The following MYH3 variants were observed in gnomAD, a reference collection of about 807,000 sequenced individuals.
The protein encoded by MYH3 is myosin heavy chain 3, also known as myosin-3.
MYH3 carries 130 observed loss-of-function variants against 238.0 expected under a neutral mutation model. The observed-to-expected ratio is 0.55, with a 90% CI of 0.47 to 0.63. The LOEUF is 0.63. Ranked by LOEUF, MYH3 falls within the 30% of genes least tolerant of loss-of-function variation. The probability of loss-of-function intolerance (pLI) is 0.00; values close to 1 mark genes in which losing one functional copy is unlikely to be tolerated. For missense variants in MYH3, 1,853 were observed against 2,374.9 expected, an observed-to-expected ratio of 0.78 and a Z score of 4.57; for synonymous variants, 880 against 924.1, an observed-to-expected ratio of 0.95 and a Z score of 0.86.
At chr17:10,674,986 A>G in the MYH3 span, 2 of 152,256 alleles carry the variant, frequency 1.3e-5, no homozygotes, top group African/African-American at 2.4e-5. Flanking sequence ...AGCAGCCAAC[A>G]AGGAATGTGC....
Position 10,644,620 on chromosome 17 carries a change from C to A in MYH3, c.1224G>T (p.Gly408=). 6.2e-7 allele frequency: 1 copy of A among 1,614,166 alleles called. No individual in the cohort carries two copies. Among genetic ancestry groups the A allele is most frequent in the Non-Finnish European group, 8.5e-7 (1 of 1,180,002 alleles). The stretch of plus-strand genomic sequence containing the variant: ...TTTGACCTTTGGTAACGTACTCATT[C>A]CCAACTTTCACTCTAGGAAAGCACA... The part of the protein sequence containing the change: ...KALCFPRVKV[G]NEYVTKGQTV... Residue 408 remains glycine (G), a synonymous_variant, in exon 13 of 41, where the codon GGG becomes GGT. Coordinates refer to ENST00000583535, the MANE Select transcript of MYH3 (RefSeq NM_002470.4).
chr17:10,650,423 T>C (rs770697106), intron 5 of MYH3, 22 bp from the exon 6 acceptor site: 17 of 1,607,608 alleles, frequency 1.1e-5, no homozygotes, highest in Admixed American at 1.7e-5. Context: ...AAAAATAAAA[T>C]AGAGTTGATG....
rs758120694 is a variant in MYH3 at position 10,651,611 on chromosome 17, T to G, written c.406A>C (p.Asn136His). 6.2e-7 allele frequency: 1 copy of G among 1,613,974 alleles called. No individual in the cohort carries two copies. Among genetic ancestry groups the G allele is most frequent in the African/African-American group, 1.3e-5 (1 of 74,894 alleles). Residue 136 changes from asparagine (N) to histidine (H), a missense_variant, in exon 5 of 41, where the codon AAC becomes CAC. This residue lies in a region of MYH3 where 678 missense variants were observed against 1,058.9 expected (regional missense o/e 0.64). Transcript: ENST00000583535. ...CGGTAGCCTTCCACCACCTCGGGGTTGTACACCGGCAGCCACTTGTAGGGG... is the reference window on the plus strand; with the variant it reads ...CGGTAGCCTTCCACCACCTCGGGGTGGTACACCGGCAGCCACTTGTAGGGG... Reference protein sequence around the residue: ...VNPYKWLPVYNPEVVEGYRGK... With the variant: ...VNPYKWLPVYHPEVVEGYRGK...
upstream of MYH3, among the ~76,000 whole-genome samples, chr17:10,659,818 C>T (rs532360360): frequency 2.0e-5 from 3 of 152,292 alleles, no homozygotes; most frequent in East Asian, 1.9e-4. Flanking sequence ...TTGCTGGAAG[C>T]GGTGAGAAGA....
chr17:10,659,761 T>C (rs1238695363), upstream of MYH3, among the ~76,000 whole-genome samples: 1 of 152,222 alleles, frequency 6.6e-6, no homozygotes, highest in Non-Finnish European at 1.5e-5. Flanking sequence ...TTGGCTGAAC[T>C]GTCTCCTTTT....
chr17:10,664,568 G>C, the MYH3 span, among the ~76,000 whole-genome samples: 2 of 152,270 alleles, frequency 1.3e-5, no homozygotes, highest in African/African-American at 4.8e-5. Context: ...GTGAAAGGGA[G>C]AGCTGGTGCT....
In MYH3 at chr17:10,654,749, T is replaced by C. The variant is rs1000270582; in HGVS notation, c.204+112A>G. The C allele has an allele frequency of 7.0e-6, 7 of 998,752 alleles. No individual in the cohort carries two copies. The highest frequency in any genetic ancestry group is 1.1e-5 in the Non-Finnish European group (7 of 619,536). The allele number at this position is 998,752 out of a possible 1,614,324, so 61.9% of individuals were successfully genotyped here. On this transcript the variant is annotated intron_variant, in intron 3 of 40. Transcript: ENST00000583535. The surrounding 1 kb of genome is among the most constrained non-coding windows in gnomAD (Gnocchi z 4.5). Reference sequence around the variant, plus strand: ...CCCCAGGCTACATTGTATGCGGCATTCCAGTGCTGGAACCACATCTGGAAG... The same window carrying C: ...CCCCAGGCTACATTGTATGCGGCATCCCAGTGCTGGAACCACATCTGGAAG...
Position 10,650,443 on chromosome 17 carries a change from A to G in MYH3, c.506-42T>C, listed in dbSNP as rs903231783. The G allele has an allele frequency of 3.8e-6, 6 of 1,580,142 alleles. No individual in the cohort carries two copies. In the African/African-American group the frequency reaches 5.4e-5, roughly 14 times the overall value. ...TAAAATAGAGTTGATGGCAATAGAA[A>G]AAGAGCTTCCCGATTCTACCCAACT... On this transcript the variant is annotated intron_variant, in intron 5 of 40. Transcript: ENST00000583535.
intron 6 of MYH3, among the ~76,000 whole-genome samples, 168 bp downstream of exon 6, chr17:10,650,206 G>C (rs2074361796): frequency 6.6e-6 from 1 of 151,948 alleles, no homozygotes; most frequent in Non-Finnish European, 1.5e-5. Context: ...CGATCTCCTG[G>C]ACCTCGTGAT....
chr17:10,641,471 A>G (rs796486501), intron 17 of MYH3, 99 bp from the exon 18 acceptor site: 7 of 930,996 alleles, frequency 7.5e-6, no homozygotes, highest in Admixed American at 3.8e-5. Flanking sequence ...AAAATTTATC[A>G]TAAGTTCTAA....
intron 28 of MYH3, 45 bp from the exon 29 acceptor site, chr17:10,635,898 C>T: frequency 6.7e-7 from 1 of 1,500,366 alleles, no homozygotes; most frequent in African/African-American, 1.4e-5. Context: ...TTCACTCATT[C>T]ACTCACCAAC....
At chr17:10,643,163 T>C (rs1472167630) in intron 14 of MYH3, among the ~76,000 whole-genome samples, 167 bp from the exon 15 acceptor site, 1 of 152,170 alleles carries the variant, frequency 6.6e-6, no homozygotes, top group Non-Finnish European at 1.5e-5. Context: ...CCTTGGCGTC[T>C]TCTGTAAACT....
At chr17:10,635,127 A>C in intron 30 of MYH3, 104 bp from the exon 31 acceptor site, 2 of 1,383,198 alleles carry the variant, frequency 1.4e-6, no homozygotes, top group Non-Finnish European at 2.0e-6. Context: ...TCAGACACCC[A>C]TGTGTTTTTA....
At chr17:10,667,167 A>G in the MYH3 span, among the ~76,000 whole-genome samples, 1 of 152,234 alleles carries the variant, frequency 6.6e-6, no homozygotes, top group Non-Finnish European at 1.5e-5. Flanking sequence ...AAAACAAACT[A>G]GCAAAATGAT....
intron 1 of MYH3, among the ~76,000 whole-genome samples, chr17:10,656,767 G>A (rs7222872): frequency 0.63 from 96,208 of 151,948 alleles, 32,276 homozygotes; most frequent in Non-Finnish European, 0.77. Flanking sequence ...CAGTTCGAGG[G>A]CAGGGGCAGG....
At chr17:10,645,026 G>A (rs140428944) in intron 12 of MYH3, among the ~76,000 whole-genome samples, 1 of 146,048 alleles carries the variant, frequency 6.8e-6, no homozygotes, top group East Asian at 2.0e-4. Context: ...CAGATGGAAG[G>A]ATTAATCGCT....
At chr17:10,655,206 C>A (rs536660235) in intron 2 of MYH3, 134 bp from the exon 3 acceptor site, 2 of 741,496 alleles carry the variant, frequency 2.7e-6, no homozygotes, top group South Asian at 1.5e-5. Context: ...AGGAACCAGG[C>A]TGTCCTCATG....
rs1232450424 is a variant in MYH3 at position 10,645,831 on chromosome 17, G to C, written c.1017C>G (p.Ile339Met). The change falls in exon 12 of 41, where the codon ATC (isoleucine) becomes ATG (methionine). Residue 339 changes from isoleucine (I) to methionine (M), a missense_variant. Ile to Met is a conservative substitution (Grantham distance 10, BLOSUM62 1). Around this residue, in one of 3 missense-constraint regions of MYH3, gnomAD observed 678 missense variants for 1,058.9 expected, o/e 0.64. Transcript: ENST00000583535. ...ATTTCTCTTCTGGGGTGAAGCCCAG[G>C]ATGTCAATGGCGCTCTGGCATGGAA... ...ELLATDSAID[I>M]LGFTPEEKSG... 7 of 1,613,878 alleles carry C rather than the reference G, an allele frequency of 4.3e-6. No individual in the cohort carries two copies. The highest frequency in any genetic ancestry group is 5.1e-6 in the Non-Finnish European group (6 of 1,179,996).
intron 4 of MYH3, 103 bp from the exon 5 acceptor site, chr17:10,651,771 G>A: frequency 7.1e-7 from 1 of 1,407,436 alleles, no homozygotes. Context: ...TTGAGACGGA[G>A]TCTCACTCTG....
Sources: allele counts gnomAD v4.1 joint callset (sites outside exome capture counted in the v4.1 genomes callset), GRCh38; gene constraint gnomAD v4.1.1; regional missense constraint gnomAD v4.1.1; non-coding constraint Gnocchi (gnomAD v3.1); transcripts MANE v1.5; gene names NCBI Gene and HGNC (gene_info 2026-07-23, HGNC 2026-07-21).